The following GPHN variants were observed in gnomAD, a reference collection of about 807,000 sequenced individuals.
GPHN encodes the protein gephyrin.
A neutral mutation model predicts 95.5 loss-of-function variants in GPHN; 17 were observed. The observed-to-expected ratio is 0.18, with a 90% CI of 0.12 to 0.27. GPHN has a LOEUF of 0.27. Ranked by LOEUF, GPHN falls within the 10% of genes least tolerant of loss-of-function variation. The pLI, the probability that GPHN is intolerant of heterozygous loss-of-function variation, is 1.00. For missense variants in GPHN, 660 were observed against 978.1 expected, an observed-to-expected ratio of 0.67 and a Z score of 4.34; for synonymous variants, 320 against 322.5, an observed-to-expected ratio of 0.99 and a Z score of 0.08.
intron 2 of GPHN, among the ~76,000 whole-genome samples, chr14:66,756,921 C>G (rs1401450325): frequency 1.3e-5 from 2 of 152,164 alleles, no homozygotes; most frequent in African/African-American, 4.8e-5. Flanking sequence ...ATAGAAATCC[C>G]TGACAATTAA....
the GPHN span, chr14:67,559,750 C>A: frequency 1.8e-6 from 2 of 1,116,500 alleles, no homozygotes; most frequent in East Asian, 2.5e-5. Flanking sequence ...TGCCCTGACC[C>A]CCGGAGTTTC....
chr14:66,879,105 GAACAGAAAACCA>G (rs2063807562), intron 4 of GPHN, among the ~76,000 whole-genome samples: 1 of 152,040 alleles, frequency 6.6e-6, no homozygotes, highest in African/African-American at 2.4e-5. Context: ...ACTAACACAG[GAACAGAAAACCA>G]AACACTACAT....
At chr14:67,673,084 C>G in the GPHN span, among the ~76,000 whole-genome samples, 506 of 152,326 alleles carry the variant, frequency 3.3e-3, 3 homozygotes, top group African/African-American at 0.012. Flanking sequence ...ACTTTCACAA[C>G]CGCCCTATTT....
At position 67,180,940 on chromosome 14, in the gene GPHN, G is replaced by T; in HGVS notation, c.*3G>T. The T allele has an allele frequency of 6.2e-7, 1 of 1,613,866 alleles. No homozygotes were observed. The highest frequency in any genetic ancestry group is 1.3e-5 in the African/African-American group (1 of 75,010). On this transcript the variant is annotated 3_prime_UTR_variant, in exon 23 of 23. Transcript: ENST00000478722. ...TCATGGTCATTGGACGGCTATGATG[G>T]TCACCAGCAGGAGAAAGCTTTGATG...
chr14:66,606,425 T>C (rs1177131601), intron 1 of GPHN, among the ~76,000 whole-genome samples: 1 of 152,206 alleles, frequency 6.6e-6, no homozygotes, highest in Non-Finnish European at 1.5e-5. Flanking sequence ...TCAGGTAGTG[T>C]TCTTTTTGCT....
the GPHN span, among the ~76,000 whole-genome samples, chr14:67,707,225 C>CA: frequency 1.3e-5 from 2 of 152,076 alleles, no homozygotes; most frequent in Non-Finnish European, 2.9e-5. Context: ...TTGTAGCCAA[C>CA]AAAAATTAGA....
chr14:66,547,902 T>G (rs2059659614), intron 1 of GPHN, among the ~76,000 whole-genome samples: 1 of 152,220 alleles, frequency 6.6e-6, no homozygotes, highest in Non-Finnish European at 1.5e-5. Context: ...TAAAACATTG[T>G]GTTGTTGGTA....
At chr14:67,455,904 T>A in the GPHN span, among the ~76,000 whole-genome samples, 1 of 152,176 alleles carries the variant, frequency 6.6e-6, no homozygotes, top group Non-Finnish European at 1.5e-5. Flanking sequence ...AACACCATTT[T>A]GGACATAGGC....
chr14:67,542,489 C>A, the GPHN span, among the ~76,000 whole-genome samples: 1 of 152,134 alleles, frequency 6.6e-6, no homozygotes, highest in East Asian at 1.9e-4. Context: ...GTCCCTTCAC[C>A]TCTAAGGCAA....
chr14:67,451,795 T>C, the GPHN span, among the ~76,000 whole-genome samples: 1 of 152,178 alleles, frequency 6.6e-6, no homozygotes, highest in East Asian at 1.9e-4. Context: ...GTTAGGACTT[T>C]GAGGGACTGT....
At chr14:67,546,685 C>T in the GPHN span, among the ~76,000 whole-genome samples, 3 of 152,174 alleles carry the variant, frequency 2.0e-5, no homozygotes, top group Non-Finnish European at 2.9e-5. Context: ...CCACCGTGCC[C>T]AGGCAGCAGA....
chr14:67,243,307 C>T, the GPHN span, among the ~76,000 whole-genome samples: 1 of 151,574 alleles, frequency 6.6e-6, no homozygotes, highest in Non-Finnish European at 1.5e-5. Context: ...CTGCTCTCAG[C>T]CTCCCGACTA....
At chr14:67,580,226 G>GGACC in the GPHN span, 1 of 206,914 alleles carries the variant, frequency 4.8e-6, no homozygotes, top group Non-Finnish European at 9.7e-6. Flanking sequence ...CTGTGTGCTT[G>GGACC]GACCCCCTGG....
chr14:67,351,490 G>A, the GPHN span, among the ~76,000 whole-genome samples: 1 of 152,126 alleles, frequency 6.6e-6, no homozygotes, highest in African/African-American at 2.4e-5. Context: ...TTGACCAAAG[G>A]AAAAACATTT....
At chr14:67,303,023 T>C in the GPHN span, among the ~76,000 whole-genome samples, 1 of 152,250 alleles carries the variant, frequency 6.6e-6, no homozygotes, top group Non-Finnish European at 1.5e-5. Flanking sequence ...TAGCTGCATA[T>C]AGCTATTTCT....
chr14:67,190,050 G>A, the GPHN span, among the ~76,000 whole-genome samples: 2,672 of 146,520 alleles, frequency 0.018, 34 homozygotes, highest in Non-Finnish European at 0.028. Flanking sequence ...TATAGGCATC[G>A]CCCATCATGC....
At chr14:66,978,322 C>A (rs1179645852) in intron 9 of GPHN, among the ~76,000 whole-genome samples, 1 of 152,134 alleles carries the variant, frequency 6.6e-6, no homozygotes, top group Non-Finnish European at 1.5e-5. Context: ...CTGTAGAATG[C>A]AATGTTGTTT....
At chr14:66,896,890 T>G (rs910420349) in intron 5 of GPHN, among the ~76,000 whole-genome samples, 4 of 152,116 alleles carry the variant, frequency 2.6e-5, no homozygotes, top group African/African-American at 9.7e-5. Context: ...CCAGAACATC[T>G]TCCACTTAAA....
At chr14:66,708,644 G>T (rs2069324316) in intron 2 of GPHN, among the ~76,000 whole-genome samples, 1 of 152,130 alleles carries the variant, frequency 6.6e-6, no homozygotes, top group Non-Finnish European at 1.5e-5. Context: ...ATCTAGAGCA[G>T]TAATTTACTG....
Sources: allele counts gnomAD v4.1 joint callset (sites outside exome capture counted in the v4.1 genomes callset), GRCh38; gene constraint gnomAD v4.1.1; transcripts MANE v1.5; gene names NCBI Gene and HGNC (gene_info 2026-07-23, HGNC 2026-07-21).